NRCAM: variants seen among roughly 807,000 people sequenced by gnomAD.
NRCAM encodes NgCAM-related cell adhesion molecule.
Under a neutral mutation model 156.5 loss-of-function variants are expected in NRCAM, and 83 were observed. The ratio of observed to expected loss-of-function variants is 0.53; its 90% CI spans 0.44 to 0.64. NRCAM has a LOEUF of 0.64. Ranked by LOEUF, NRCAM falls within the 30% of genes least tolerant of loss-of-function variation. NRCAM has a pLI of 0.00. For missense variants in NRCAM, 1,417 were observed against 1,597.3 expected, an observed-to-expected ratio of 0.89 and a Z score of 1.92; for synonymous variants, 538 against 563.9, an observed-to-expected ratio of 0.95 and a Z score of 0.65.
chr7:108,253,737 A>C (rs553043341), intron 3 of NRCAM, among the ~76,000 whole-genome samples: 47 of 152,354 alleles, frequency 3.1e-4, no homozygotes, highest in African/African-American at 1.1e-3. Context: ...AATTTAACTC[A>C]ATCACCTGAA....
At chr7:108,231,261 T>TA (rs1308529795) in intron 7 of NRCAM, 108 bp from the exon 8 acceptor site, 7 of 699,956 alleles carry the variant, frequency 1.0e-5, no homozygotes, top group African/African-American at 9.4e-5. Flanking sequence ...ATTTGTAATT[T>TA]ATGTACACTA....
intron 2 of NRCAM, among the ~76,000 whole-genome samples, chr7:108,335,035 T>TA (rs2099165068): frequency 6.6e-6 from 1 of 152,186 alleles, no homozygotes; most frequent in African/African-American, 2.4e-5. Flanking sequence ...TAACAATCTT[T>TA]ATAATAACAC....
chr7:108,456,665 C>T (rs1857707327), upstream of NRCAM: 1 of 152,196 alleles, frequency 6.6e-6, no homozygotes, highest in Non-Finnish European at 1.5e-5. Flanking sequence ...TGGGTGGCCC[C>T]TCACCTGAGC....
intron 1 of NRCAM, among the ~76,000 whole-genome samples, chr7:108,444,187 T>C (rs1352198739): frequency 6.6e-6 from 1 of 152,192 alleles, no homozygotes; most frequent in Non-Finnish European, 1.5e-5. Flanking sequence ...ATTTTAAGTA[T>C]ATGGAAGGAT....
chr7:108,420,231 T>A (rs1807573835), intron 1 of NRCAM, among the ~76,000 whole-genome samples: 1 of 152,132 alleles, frequency 6.6e-6, no homozygotes, highest in Admixed American at 6.6e-5. Flanking sequence ...ATCAAAAATA[T>A]CTCTTTAGTA....
At chr7:108,296,106 A>T (rs2098449525) in intron 3 of NRCAM, among the ~76,000 whole-genome samples, 2 of 152,216 alleles carry the variant, frequency 1.3e-5, no homozygotes, top group African/African-American at 4.8e-5. Flanking sequence ...AAGTACTTTC[A>T]CACACTCCAC....
chr7:108,207,813 A>G (rs2081970369), intron 12 of NRCAM, among the ~76,000 whole-genome samples, 154 bp from the exon 13 acceptor site: 1 of 152,242 alleles, frequency 6.6e-6, no homozygotes, highest in Non-Finnish European at 1.5e-5. Context: ...AATGCTTCAA[A>G]GAACACTTAA....
chr7:108,306,567 A>C (rs983183373), intron 3 of NRCAM, among the ~76,000 whole-genome samples: 1 of 152,190 alleles, frequency 6.6e-6, no homozygotes, highest in Non-Finnish European at 1.5e-5. Context: ...AAGTTTTTAA[A>C]GTAGTAGTAG....
At chr7:108,387,253 T>G (rs2099743572) in intron 2 of NRCAM, among the ~76,000 whole-genome samples, 1 of 152,076 alleles carries the variant, frequency 6.6e-6, no homozygotes, top group South Asian at 2.1e-4. Context: ...TCCACATACC[T>G]TATTAATAGG....
intron 26 of NRCAM, among the ~76,000 whole-genome samples, chr7:108,177,233 G>A (rs968488709): frequency 4.6e-5 from 7 of 152,112 alleles, no homozygotes; most frequent in African/African-American, 1.7e-4. Flanking sequence ...ACTCATAGGT[G>A]AAAGCTAAAA....
intron 1 of NRCAM, among the ~76,000 whole-genome samples, chr7:108,415,595 A>G (rs897411274): frequency 2.0e-5 from 3 of 152,168 alleles, no homozygotes; most frequent in African/African-American, 7.2e-5. Context: ...TAAAAAGGAG[A>G]AGAAGGCCGG....
chr7:108,425,201 T>A (rs1333502487), intron 1 of NRCAM, among the ~76,000 whole-genome samples: 1 of 152,124 alleles, frequency 6.6e-6, no homozygotes, highest in Non-Finnish European at 1.5e-5. Context: ...TGCTAGAATA[T>A]TAGTAAGATT....
intron 17 of NRCAM, 68 bp from the exon 18 acceptor site, chr7:108,191,921 G>A: frequency 6.6e-7 from 1 of 1,511,808 alleles, no homozygotes; most frequent in Non-Finnish European, 8.9e-7. Context: ...TGCTTCACTG[G>A]CAGGAAAAAA....
chr7:108,412,334 T>C (rs1010723015), intron 1 of NRCAM, among the ~76,000 whole-genome samples: 1 of 152,144 alleles, frequency 6.6e-6, no homozygotes, highest in East Asian at 1.9e-4. Flanking sequence ...AACCTGGCGT[T>C]TTGCTCAGAT....
At chr7:108,452,168 T>C (rs1208989118) in intron 1 of NRCAM, among the ~76,000 whole-genome samples, 1 of 152,174 alleles carries the variant, frequency 6.6e-6, no homozygotes, top group African/African-American at 2.4e-5. Flanking sequence ...TTCCTATTCT[T>C]AGAAACTTCA....
chr7:108,347,396 A>T lies in NRCAM; in HGVS notation c.-173-34665T>A, dbSNP rs187856566. 2.0e-5 allele frequency among the ~76,000 whole-genome samples: 3 copies of T among 152,302 alleles called. No individual in the cohort carries two copies. In the East Asian group the frequency reaches 5.8e-4, roughly 29 times the overall value. On this transcript the variant is annotated intron_variant, in intron 2 of 32. Transcript: ENST00000379028. ...ACAATGTATCTCAAGGAAGTAAGGC[A>T]TTCATAAATAACATCACAGGGGCCA...
chr7:108,380,560 C>T (rs2193250), intron 2 of NRCAM, among the ~76,000 whole-genome samples: 50,284 of 152,068 alleles, frequency 0.33, 8,897 homozygotes, highest in Middle Eastern at 0.48. Flanking sequence ...GCATACTTTA[C>T]AGTTATTTTA....
intron 13 of NRCAM, among the ~76,000 whole-genome samples, chr7:108,201,452 A>G (rs1170354706): frequency 6.6e-6 from 1 of 152,194 alleles, no homozygotes; most frequent in African/African-American, 2.4e-5. Flanking sequence ...AAGTTACACC[A>G]CCACGCGATA....
chr7:108,206,363 T>C (rs1266361777), intron 13 of NRCAM, among the ~76,000 whole-genome samples: 2 of 152,220 alleles, frequency 1.3e-5, no homozygotes, highest in African/African-American at 4.8e-5. Context: ...GAACCAATAT[T>C]GGATTCTGAC....
Sources: allele counts gnomAD v4.1 joint callset (sites outside exome capture counted in the v4.1 genomes callset), GRCh38; gene constraint gnomAD v4.1.1; transcripts MANE v1.5; gene names NCBI Gene and HGNC (gene_info 2026-07-23, HGNC 2026-07-21).